The following TOM1L2 variants were observed in gnomAD, a reference collection of about 807,000 sequenced individuals.
TOM1L2 encodes TOM1-like protein 2.
TOM1L2 carries 31 observed loss-of-function variants against 67.9 expected under a neutral mutation model. The ratio of observed to expected loss-of-function variants is 0.46; its 90% CI spans 0.34 to 0.62. The LOEUF (loss-of-function observed/expected upper bound fraction) is 0.62. Ranked by LOEUF, TOM1L2 falls within the 20% of genes least tolerant of loss-of-function variation. The probability of loss-of-function intolerance (pLI) is 0.01; values close to 1 mark genes in which losing one functional copy is unlikely to be tolerated. For missense variants in TOM1L2, 606 were observed against 663.5 expected (o/e 0.91, Z 0.95); for synonymous variants, 256 against 254.0 (o/e 1.01, Z -0.07).
chr17:17,868,473 G>A (rs1019551483), intron 8 of TOM1L2, among the ~76,000 whole-genome samples: 6 of 152,148 alleles, frequency 3.9e-5, no homozygotes, highest in Non-Finnish European at 7.3e-5. Flanking sequence ...CAGCTGGTGC[G>A]GCAGAGGGGA....
At chr17:17,862,077 G>A (rs1486581801) in intron 11 of TOM1L2, 1 of 153,812 alleles carries the variant, frequency 6.5e-6, no homozygotes, top group African/African-American at 2.4e-5. Flanking sequence ...GGGACCTTGG[G>A]TTTCTGCTTA....
At chr17:17,953,813 A>C (rs1201268098) in intron 1 of TOM1L2, among the ~76,000 whole-genome samples, 4 of 152,246 alleles carry the variant, frequency 2.6e-5, no homozygotes, top group African/African-American at 9.6e-5. Flanking sequence ...AGAGGGTTAA[A>C]TGAGATAAAA....
chr17:17,905,763 T>C (rs1192474171), intron 2 of TOM1L2, among the ~76,000 whole-genome samples: 2 of 152,118 alleles, frequency 1.3e-5, no homozygotes, highest in Non-Finnish European at 2.9e-5. Flanking sequence ...CTGAACACAG[T>C]AGACTGAGTG....
At chr17:17,953,312 T>A (rs2041286877) in intron 1 of TOM1L2, among the ~76,000 whole-genome samples, 1 of 152,170 alleles carries the variant, frequency 6.6e-6, no homozygotes, top group Admixed American at 6.5e-5. Context: ...GTAAATGTTA[T>A]GTTATGTGTA....
At chr17:17,951,223 T>C (rs544800441) in intron 1 of TOM1L2, among the ~76,000 whole-genome samples, 1 of 152,302 alleles carries the variant, frequency 6.6e-6, no homozygotes, top group South Asian at 2.1e-4. Flanking sequence ...TAGACGGCAG[T>C]TCCCTCGCCC....
At chr17:17,906,527 T>C (rs2039106478) in intron 2 of TOM1L2, among the ~76,000 whole-genome samples, 1 of 152,210 alleles carries the variant, frequency 6.6e-6, no homozygotes, top group African/African-American at 2.4e-5. Flanking sequence ...CCAGGTTATA[T>C]GTTTAATTAT....
chr17:17,865,845 AG>A (rs1305330840), intron 10 of TOM1L2, among the ~76,000 whole-genome samples: 3 of 150,692 alleles, frequency 2.0e-5, no homozygotes, highest in Non-Finnish European at 1.5e-5. Context: ...CCCAGGCTCA[AG>A]TGATTCTCCT....
At chr17:17,938,993 G>A (rs2040623136) in intron 1 of TOM1L2, among the ~76,000 whole-genome samples, 3 of 152,150 alleles carry the variant, frequency 2.0e-5, no homozygotes, top group Non-Finnish European at 4.4e-5. Context: ...ATTCCATTCT[G>A]TCTGACCTCT....
At chr17:17,884,890 A>G in intron 4 of TOM1L2, 122 bp from the exon 5 acceptor site, 2 of 1,315,648 alleles carry the variant, frequency 1.5e-6, no homozygotes, top group Non-Finnish European at 2.1e-6. Flanking sequence ...TGCAAATTGC[A>G]CTGGCTAAAC....
intron 1 of TOM1L2, among the ~76,000 whole-genome samples, chr17:17,950,832 G>A (rs985032338): frequency 6.6e-6 from 1 of 152,216 alleles, no homozygotes; most frequent in African/African-American, 2.4e-5. Context: ...GGAAAACCAT[G>A]AAGGTAGTCC....
chr17:17,955,734 G>C (rs561972064), intron 1 of TOM1L2, among the ~76,000 whole-genome samples: 2 of 152,256 alleles, frequency 1.3e-5, no homozygotes, highest in Admixed American at 6.5e-5. Context: ...CTGACTTCAA[G>C]AATGAAGCCA....
At chr17:17,930,831 G>C (rs1290824551) in intron 1 of TOM1L2, among the ~76,000 whole-genome samples, 1 of 152,184 alleles carries the variant, frequency 6.6e-6, no homozygotes, top group Non-Finnish European at 1.5e-5. Flanking sequence ...CTTCCTGGTG[G>C]CCTGGGCAAG....
Position 17,852,865 on chromosome 17 carries a change from A to C in TOM1L2, c.1279-1913T>G, listed in dbSNP as rs541870640. ...GGGCAACAAGACTGAAACTCTGTCT[A>C]AAAAAAAAAAAAAAAAAAAAAAAAA... On this transcript the variant is annotated intron_variant, in intron 12 of 14. Coordinates refer to ENST00000379504, the MANE Select transcript of TOM1L2 (RefSeq NM_001082968.2). Among the ~76,000 whole-genome samples the C allele has an allele frequency of 1.6e-4, 18 of 114,948 alleles. No individual in the cohort carries two copies. The South Asian group carries it at 4.6e-3, about 30-fold the overall frequency. 75.4% of individuals were successfully genotyped at this position (114,948 alleles called of 152,430 possible).
intron 12 of TOM1L2, among the ~76,000 whole-genome samples, chr17:17,854,414 A>G (rs11078400): frequency 0.57 from 86,343 of 152,072 alleles, 25,428 homozygotes; most frequent in Non-Finnish European, 0.63. Context: ...AGGCCTCGGT[A>G]TCCTCATCTG....
chr17:17,854,927 G>T (rs1392844852), intron 12 of TOM1L2, among the ~76,000 whole-genome samples: 1 of 152,190 alleles, frequency 6.6e-6, no homozygotes, highest in Non-Finnish European at 1.5e-5. Flanking sequence ...GGAAGAGAGG[G>T]ACAGAAAGGA....
intron 1 of TOM1L2, among the ~76,000 whole-genome samples, chr17:17,937,770 G>A (rs925792633): frequency 1.3e-5 from 2 of 152,210 alleles, no homozygotes; most frequent in Admixed American, 6.5e-5. Context: ...CACCACTCAT[G>A]CAAGAGCATA....
intron 1 of TOM1L2, among the ~76,000 whole-genome samples, chr17:17,960,335 G>A (rs2041631438): frequency 1.3e-5 from 2 of 152,022 alleles, no homozygotes; most frequent in South Asian, 4.1e-4. Flanking sequence ...GAAGGTACTT[G>A]ACTTTTTTTT....
intron 2 of TOM1L2, among the ~76,000 whole-genome samples, chr17:17,899,803 C>T (rs2038756186): frequency 6.6e-6 from 1 of 152,202 alleles, no homozygotes; most frequent in African/African-American, 2.4e-5. Flanking sequence ...TCAGGGATCT[C>T]CTATTCCTAC....
intron 2 of TOM1L2, among the ~76,000 whole-genome samples, chr17:17,903,041 T>C (rs1018493710): frequency 2.0e-5 from 3 of 152,180 alleles, no homozygotes; most frequent in Non-Finnish European, 4.4e-5. Context: ...CTCATCTGGC[T>C]GATACCCTGG....
Sources: allele counts gnomAD v4.1 joint callset (sites outside exome capture counted in the v4.1 genomes callset), GRCh38; gene constraint gnomAD v4.1.1; transcripts MANE v1.5; gene names NCBI Gene and HGNC (gene_info 2026-07-23, HGNC 2026-07-21).